ALDH1L1: variants seen among roughly 807,000 people sequenced by gnomAD.
ALDH1L1 encodes the protein cytosolic 10-formyltetrahydrofolate dehydrogenase.
In ALDH1L1, 68 loss-of-function variants were observed where a neutral mutation model predicts 101.1. The observed-to-expected ratio is 0.67, with a 90% CI of 0.55 to 0.82. The LOEUF (loss-of-function observed/expected upper bound fraction) is 0.82, where lower values mean the gene tolerates loss of function less well. Ranked by LOEUF, ALDH1L1 falls within the 40% of genes least tolerant of loss-of-function variation. The probability of loss-of-function intolerance (pLI) is 0.00; values close to 1 mark genes in which losing one functional copy is unlikely to be tolerated. For synonymous variants in ALDH1L1, 486 were observed against 470.8 expected, an observed-to-expected ratio of 1.03 and a Z score of -0.42; for missense variants, 1,087 against 1,172.7, an observed-to-expected ratio of 0.93 and a Z score of 1.07.
At chr3:126,185,688 G>T (rs2081512083), upstream of ALDH1L1, among the ~76,000 whole-genome samples, 1 of 152,092 alleles carries the variant, frequency 6.6e-6, no homozygotes, top group African/African-American at 2.4e-5. Context: ...CACAACATGG[G>T]GTGCAGACTG....
chr3:126,187,750 T>A (rs2108352533), intron 1 of ALDH1L1, among the ~76,000 whole-genome samples: 1 of 152,058 alleles, frequency 6.6e-6, no homozygotes, highest in South Asian at 2.1e-4. Flanking sequence ...GCTGGTGAAT[T>A]GAGGGAAACT....
intron 1 of ALDH1L1, among the ~76,000 whole-genome samples, chr3:126,165,121 C>T (rs953416115): frequency 7.9e-5 from 12 of 151,784 alleles, no homozygotes; most frequent in African/African-American, 1.9e-4. Context: ...ATTTGTTTTT[C>T]GCTTATGGAA....
At chr3:126,111,780 T>A (rs913049016) in intron 19 of ALDH1L1, among the ~76,000 whole-genome samples, 1 of 152,022 alleles carries the variant, frequency 6.6e-6, no homozygotes, top group Non-Finnish European at 1.5e-5. Flanking sequence ...TTCTCCCGCA[T>A]CCCTGCCACT....
intron 4 of ALDH1L1, chr3:126,156,246 G>C (rs1314735160): frequency 6.6e-6 from 1 of 152,220 alleles, no homozygotes; most frequent in East Asian, 1.9e-4. Context: ...GTTGGACAGT[G>C]CAGCTTCAAG....
chr3:126,123,811 C>T lies in ALDH1L1; in HGVS notation c.1888+553G>A, dbSNP rs2080126086. On this transcript the variant is annotated intron_variant, in intron 16 of 22. Transcript: ENST00000393434. ...AATAACTTTTCACCAATTTAATCAACTTAAAAAGAGAGAGAAAAAGGAAAA... is the reference window on the plus strand; with the variant it reads ...AATAACTTTTCACCAATTTAATCAATTTAAAAAGAGAGAGAAAAAGGAAAA... 3.3e-5 allele frequency among the ~76,000 whole-genome samples: 5 copies of T among 150,942 alleles called. No homozygotes were observed. The South Asian group carries it at 1.1e-3, about 32-fold the overall frequency.
intron 1 of ALDH1L1, among the ~76,000 whole-genome samples, chr3:126,165,766 A>G (rs1040936266): frequency 2.2e-4 from 33 of 152,114 alleles, no homozygotes; most frequent in African/African-American, 8.0e-4. Flanking sequence ...GATTGGTTGT[A>G]ATGTCATCTT....
chr3:126,114,985 G>C, intron 17 of ALDH1L1: 1 of 471,736 alleles, frequency 2.1e-6, no homozygotes, highest in South Asian at 1.5e-5. Flanking sequence ...GCCTGCCTGT[G>C]CACCCCATCT....
chr3:126,125,707 A>G lies in ALDH1L1; in HGVS notation c.1709T>C (p.Ile570Thr). 1.3e-6 allele frequency: 2 copies of G among 1,574,244 alleles called. No individual in the cohort carries two copies. The highest frequency in any genetic ancestry group is 1.2e-5 in the South Asian group (1 of 85,218). The change falls in exon 15 of 23, where the codon ATC becomes ACC. Residue 570 changes from isoleucine (I) to threonine (T), a missense_variant. This residue lies in a region of ALDH1L1 where 442 missense variants were observed against 535.7 expected (regional missense o/e 0.83). Coordinates refer to ENST00000393434, the MANE Select transcript of ALDH1L1 (RefSeq NM_012190.4). ...CATCAGGGGATAGTTCCAGGGGATGATGATGCCACAAACCCTGCCACACAA... is the reference window on the plus strand; with the variant it reads ...CATCAGGGGATAGTTCCAGGGGATGGTGATGCCACAAACCCTGCCACACAA... ...RKEPVGVCGIIIPWNYPLMML... is the reference protein window; with the variant it reads ...RKEPVGVCGITIPWNYPLMML...
At position 126,158,472 on chromosome 3, in the gene ALDH1L1, G is replaced by A. The variant is rs754565747; in HGVS notation, c.295C>T (p.Arg99Trp). 51 of 1,613,560 alleles carry A rather than the reference G, an allele frequency of 3.2e-5. No individual in the cohort carries two copies. Among genetic ancestry groups the A allele is most frequent in the East Asian group, 2.0e-4 (9 of 44,860 alleles). The change falls in exon 3 of 23, where the codon CGG becomes TGG. Residue 99 changes from arginine to tryptophan, a missense_variant. Arg to Trp is a moderately radical substitution (Grantham distance 101). Around this residue, in one of 2 missense-constraint regions of ALDH1L1, gnomAD observed 645 missense variants for 637.0 expected, o/e 1.01. Transcript: ENST00000393434. The stretch of plus-strand genomic sequence containing the variant: ...GGGTGATAGATGATGGAGCCATGCC[G>A]GGGGGCACTGATTATCTCCATGGGG... The part of the protein sequence containing the change: ...FIPMEIISAP[R>W]HGSIIYHPSL...
chr3:126,154,547 G>C lies in ALDH1L1; in HGVS notation c.720+7C>G. ...CGTGGCTGGATTCCAGCCATGCAGGGACACACCTGTTCACAGGCCTCTGTC... is the reference window on the plus strand; with the variant it reads ...CGTGGCTGGATTCCAGCCATGCAGGCACACACCTGTTCACAGGCCTCTGTC... On this transcript the variant is annotated splice_region_variant and intron_variant, in intron 6 of 22. Transcript: ENST00000393434. 1 of 1,614,058 alleles carries C rather than the reference G, an allele frequency of 6.2e-7. No individual in the cohort carries two copies. The highest frequency in any genetic ancestry group is 1.7e-5 in the Admixed American group (1 of 60,018).
At chr3:126,105,952 C>T in intron 21 of ALDH1L1, 27 bp from the exon 22 acceptor site, 2 of 1,606,712 alleles carry the variant, frequency 1.2e-6, no homozygotes, top group African/African-American at 2.7e-5. Context: ...GGAAGAACTC[C>T]CTGAGGGAGG....
chr3:126,162,634 G>A (rs571196576), intron 1 of ALDH1L1, among the ~76,000 whole-genome samples: 47 of 152,156 alleles, frequency 3.1e-4, no homozygotes, highest in African/African-American at 1.1e-3. Context: ...CCCTAATTCT[G>A]TGGCTTGCCT....
rs2080847747 is a variant in ALDH1L1, at chr3:126,153,505, G to T, written c.797C>A (p.Ala266Asp). 6.2e-7 allele frequency: 1 copy of T among 1,614,072 alleles called. No homozygotes were observed. Among genetic ancestry groups the T allele is most frequent in the Non-Finnish European group, 8.5e-7 (1 of 1,180,048 alleles). ...TTTGGTGACCACCCCTGGCCGATGG[G>T]CTCCTGGGATGGGCAAAGCGTCTCC... is the stretch of plus-strand genomic sequence containing the variant. ...PEGDALPIPG[A>D]HRPGVVTKAG... is the part of the protein sequence containing the mutation. The change falls in exon 7 of 23, where the codon GCC becomes GAC. Residue 266 changes from alanine to aspartate, a missense_variant. Physicochemically the swap from Ala to Asp is moderately radical, Grantham distance 126. Coordinates refer to ENST00000393434, the MANE Select transcript of ALDH1L1 (RefSeq NM_012190.4).
In ALDH1L1 at chr3:126,158,455, G is replaced by C; in HGVS notation, c.312C>G (p.Ile104Met). Residue 104 changes from isoleucine (I) to methionine (M), a missense_variant, in exon 3 of 23, where the codon ATC becomes ATG. Physicochemically the swap from Ile to Met is conservative, Grantham distance 10. Coordinates refer to ENST00000393434, the MANE Select transcript of ALDH1L1 (RefSeq NM_012190.4). The part of the protein sequence containing the change: ...IISAPRHGSI[I>M]YHPSLLPRHR... ...GCCTAGGGAGCAGTGACGGGTGATA[G>C]ATGATGGAGCCATGCCGGGGGGCAC... 1 of 1,613,298 alleles carries C rather than the reference G, an allele frequency of 6.2e-7. No individual in the cohort carries two copies. The highest frequency in any genetic ancestry group is 2.2e-5 in the East Asian group (1 of 44,862).
chr3:126,141,694 C>T (rs973420111), intron 9 of ALDH1L1, among the ~76,000 whole-genome samples: 3 of 151,828 alleles, frequency 2.0e-5, no homozygotes, highest in Admixed American at 6.6e-5. Flanking sequence ...TTATGAGAGG[C>T]GGGGAAAGTA....
At chr3:126,130,375 C>A in intron 13 of ALDH1L1, 82 bp from the exon 14 acceptor site, 3 of 1,305,150 alleles carry the variant, frequency 2.3e-6, no homozygotes, top group Non-Finnish European at 3.1e-6. Flanking sequence ...CCACCAGGGT[C>A]TCCAGGAGGA....
intron 1 of ALDH1L1, among the ~76,000 whole-genome samples, chr3:126,177,668 G>C (rs1215548351): frequency 6.6e-6 from 1 of 152,104 alleles, no homozygotes; most frequent in Admixed American, 6.5e-5. Context: ...AACCATAGAA[G>C]GTACAACACC....
At chr3:126,133,051 G>A (rs113278736) in intron 12 of ALDH1L1, among the ~76,000 whole-genome samples, 4 of 152,330 alleles carry the variant, frequency 2.6e-5, no homozygotes, top group Admixed American at 6.5e-5. Flanking sequence ...CCCCAGCTGC[G>A]AAGACAGGAG....
chr3:126,132,131 G>A (rs776368210), intron 12 of ALDH1L1, among the ~76,000 whole-genome samples: 1 of 152,234 alleles, frequency 6.6e-6, no homozygotes, highest in Non-Finnish European at 1.5e-5. Context: ...TGATTCTGAC[G>A]GATGTGCAGC....
Sources: allele counts gnomAD v4.1 joint callset (sites outside exome capture counted in the v4.1 genomes callset), GRCh38; gene constraint gnomAD v4.1.1; regional missense constraint gnomAD v4.1.1; transcripts MANE v1.5; gene names NCBI Gene and HGNC (gene_info 2026-07-23, HGNC 2026-07-21).